The following SLC1A2 variants were observed in gnomAD, a reference collection of about 807,000 sequenced individuals.
SLC1A2 encodes the protein solute carrier family 1 member 2, also known as excitatory amino acid transporter 2.
A neutral mutation model predicts 48.8 loss-of-function variants in SLC1A2; 15 were observed. The observed-to-expected ratio is 0.31, with a 90% CI of 0.21 to 0.47. The LOEUF (loss-of-function observed/expected upper bound fraction) is 0.47, where lower values mean the gene tolerates loss of function less well. Among genes scored for constraint, SLC1A2 ranks in the 20% least tolerant of loss-of-function variants. The probability of loss-of-function intolerance (pLI) is 0.99; values close to 1 mark genes in which losing one functional copy is unlikely to be tolerated. For synonymous variants in SLC1A2, 279 were observed against 272.6 expected (o/e 1.02, Z -0.23); for missense variants, 502 against 730.5 (o/e 0.69, Z 3.61).
chr11:35,265,192 C>T, intron 10 of SLC1A2: 1 of 373,438 alleles, frequency 2.7e-6, no homozygotes, highest in Non-Finnish European at 4.8e-6. Context: ...ATCTGCCCGC[C>T]TCGGCCTAGT....
chr11:35,310,964 C>A (rs1851670793), intron 4 of SLC1A2, among the ~76,000 whole-genome samples: 1 of 152,120 alleles, frequency 6.6e-6, no homozygotes, highest in Admixed American at 6.5e-5. Context: ...ACTCAAAATA[C>A]AAAACTCCTT....
Position 35,284,401 on chromosome 11 carries a change from T to A in SLC1A2, c.1286+2356A>T, listed in dbSNP as rs541865060. 2.0e-5 allele frequency among the ~76,000 whole-genome samples: 3 copies of A among 152,266 alleles called. No homozygotes were observed. In the South Asian group the frequency reaches 6.2e-4, roughly 32 times the overall value. ...AATTATAGTTGTTCCTCTAGACGGC[T>A]GTGTGTGATCTATTCTCTGAGCCTC... is the stretch of plus-strand genomic sequence containing the variant. On this transcript the variant is annotated intron_variant, in intron 8 of 10. Coordinates refer to ENST00000278379, the MANE Select transcript of SLC1A2 (RefSeq NM_004171.4).
In SLC1A2 at chr11:35,292,130, G is replaced by A. The variant is rs559329645; in HGVS notation, c.1091+157C>T. On this transcript the variant is annotated intron_variant, in intron 7 of 10. Transcript: ENST00000278379. ...GAAGGCTCAGAAGTTCCTAGAAGGA[G>A]ACAAAAATTCAAATCATTCGCCTTT... The A allele has an allele frequency of 2.0e-5, 13 of 658,632 alleles. No individual in the cohort carries two copies. In the African/African-American group the frequency reaches 2.3e-4, roughly 12 times the overall value. 40.8% of individuals were successfully genotyped at this position (658,632 alleles called of 1,614,324 possible).
At chr11:35,387,583 G>T (rs1565295251) in intron 1 of SLC1A2, among the ~76,000 whole-genome samples, 1 of 152,178 alleles carries the variant, frequency 6.6e-6, no homozygotes, top group Non-Finnish European at 1.5e-5. Context: ...GGTAACAACT[G>T]CAAGGCCTAT....
rs529223818 is a variant in SLC1A2 at position 35,406,746 on chromosome 11, GA to G, written c.17+12203del. 8.3e-3 allele frequency among the ~76,000 whole-genome samples: 1,247 copies of G among 150,570 alleles called. 4 individuals carry two copies. The highest frequency in any genetic ancestry group is 0.014 in the Non-Finnish European group (947 of 67,552). On this transcript the variant is annotated intron_variant, in intron 1 of 10. Transcript: ENST00000278379. The stretch of plus-strand genomic sequence containing the variant: ...GAGTGGGTACAGATGAGTTTGTAGG[GA>G]AAAAAAAATCAAGAGTTCCATTGTA...
At chr11:35,408,270 A>C (rs1297707570) in intron 1 of SLC1A2, among the ~76,000 whole-genome samples, 1 of 152,174 alleles carries the variant, frequency 6.6e-6, no homozygotes, top group African/African-American at 2.4e-5. Flanking sequence ...CCATCTTCTA[A>C]CTAGTCTCAG....
At chr11:35,326,465 G>T (rs544975131) in intron 1 of SLC1A2, among the ~76,000 whole-genome samples, 1 of 152,330 alleles carries the variant, frequency 6.6e-6, no homozygotes, top group South Asian at 2.1e-4. Flanking sequence ...TGACTAAGAG[G>T]TGGTTTAATT....
chr11:35,314,457 G>C (rs902014776), intron 3 of SLC1A2, among the ~76,000 whole-genome samples: 2 of 152,216 alleles, frequency 1.3e-5, no homozygotes, highest in Admixed American at 6.5e-5. Flanking sequence ...GCTCATGCCT[G>C]TAAACCCAGC....
intron 1 of SLC1A2, among the ~76,000 whole-genome samples, chr11:35,359,791 C>T (rs779195301): frequency 9.2e-5 from 14 of 152,192 alleles, no homozygotes; most frequent in Non-Finnish European, 1.9e-4. Context: ...ATTATATTTC[C>T]CAACTCTTAC....
intron 1 of SLC1A2, among the ~76,000 whole-genome samples, chr11:35,349,820 G>A (rs1853177740): frequency 6.6e-6 from 1 of 152,098 alleles, no homozygotes; most frequent in Non-Finnish European, 1.5e-5. Flanking sequence ...TGGGCTCAGG[G>A]GGCTTACAGT....
intron 10 of SLC1A2, 100 bp downstream of exon 10, chr11:35,265,427 G>C: frequency 1.5e-6 from 1 of 683,564 alleles, no homozygotes. Context: ...AAATAAATGT[G>C]ACAATAATAC....
chr11:35,284,110 T>TATATATATATATATATAA (rs539270363), intron 8 of SLC1A2, among the ~76,000 whole-genome samples: 103 of 141,156 alleles, frequency 7.3e-4, no homozygotes, highest in African/African-American at 2.4e-3. Context: ...TATATATATA[T>TATATATATATATATATAA]AAATTATTAT....
intron 1 of SLC1A2, among the ~76,000 whole-genome samples, chr11:35,340,801 T>C (rs950106525): frequency 1.3e-5 from 2 of 152,206 alleles, no homozygotes; most frequent in Admixed American, 6.5e-5. Flanking sequence ...TAGAAAACTG[T>C]GCAGACACTG....
At chr11:35,320,056 C>T (rs561603668) in intron 1 of SLC1A2, among the ~76,000 whole-genome samples, 57 of 152,276 alleles carry the variant, frequency 3.7e-4, no homozygotes, top group Admixed American at 2.6e-3. Context: ...CTAATCACTA[C>T]GTCTCCCAGA....
intron 9 of SLC1A2, among the ~76,000 whole-genome samples, chr11:35,272,328 T>C (rs1385954490): frequency 2.0e-5 from 3 of 152,116 alleles, no homozygotes; most frequent in Non-Finnish European, 4.4e-5. Context: ...GGCAGGACGT[T>C]AAAGGGGATC....
chr11:35,398,617 A>G (rs1439473969), intron 1 of SLC1A2, among the ~76,000 whole-genome samples: 1 of 152,212 alleles, frequency 6.6e-6, no homozygotes, highest in African/African-American at 2.4e-5. Flanking sequence ...TGTGACATGC[A>G]ATTTATCCAT....
At chr11:35,321,265 T>C (rs1217172788) in intron 1 of SLC1A2, among the ~76,000 whole-genome samples, 1 of 152,022 alleles carries the variant, frequency 6.6e-6, no homozygotes, top group Non-Finnish European at 1.5e-5. Flanking sequence ...GAGCTCCAAT[T>C]CAAGATGAGA....
rs1201183757 is a variant in SLC1A2 at position 35,251,307 on chromosome 11, C to A, written c.*9587G>T. 2 of 152,546 alleles carry A rather than the reference C, an allele frequency of 1.3e-5. No individual in the cohort carries two copies. Among genetic ancestry groups the A allele is most frequent in the Non-Finnish European group, 2.9e-5 (2 of 68,016 alleles). The allele number at this position is 152,546 out of a possible 1,614,324, so 9.4% of individuals were successfully genotyped here. A position where few individuals can be genotyped will look rare whatever the true frequency, so the allele number is the denominator to read the frequency against. On this transcript the variant is annotated 3_prime_UTR_variant, in exon 11 of 11. Coordinates refer to ENST00000278379, the MANE Select transcript of SLC1A2 (RefSeq NM_004171.4). ...GTTATTTCCAGTATATAAAGAATAT[C>A]CAGTTATTTTACACGTGAAATGTTA...
chr11:35,320,451 C>G (rs2134923139), intron 1 of SLC1A2, among the ~76,000 whole-genome samples: 2 of 152,274 alleles, frequency 1.3e-5, no homozygotes, highest in South Asian at 4.1e-4. Flanking sequence ...ATGCCTAACC[C>G]AGGTTCAGGG....
Sources: gnomAD v4.1 joint callset for allele counts (sites outside exome capture counted in the v4.1 genomes callset) on GRCh38, gnomAD v4.1.1 for gene constraint, MANE v1.5 for transcripts, NCBI Gene and HGNC (gene_info 2026-07-23, HGNC 2026-07-21) for gene names.